ZNF331: variants seen among roughly 807,000 people sequenced by gnomAD.
The protein encoded by ZNF331 is C2H2-like zinc finger protein rearranged in thyroid adenomas.
Under a neutral mutation model 7.0 loss-of-function variants are expected in ZNF331, and 2 were observed. The observed-to-expected ratio is 0.29, with a 90% CI of 0.12 to 0.90. ZNF331 has a LOEUF of 0.90. Among genes scored for constraint, ZNF331 ranks in the 40% least tolerant of loss-of-function variants. ZNF331 has a pLI of 0.58. For synonymous variants in ZNF331, 196 were observed against 205.4 expected (o/e 0.95, Z 0.39); for missense variants, 432 against 587.7 (o/e 0.74, Z 2.74).
At chr19:53,513,950 T>C in the ZNF331 span, among the ~76,000 whole-genome samples, 2 of 152,256 alleles carry the variant, frequency 1.3e-5, no homozygotes, top group South Asian at 4.2e-4. Flanking sequence ...ATTATCATAT[T>C]TGCTTTTGAG....
upstream of ZNF331, among the ~76,000 whole-genome samples, chr19:53,536,690 G>A (rs900634292): frequency 6.6e-6 from 1 of 152,084 alleles, no homozygotes; most frequent in South Asian, 2.1e-4. Flanking sequence ...ACCTGAGGTC[G>A]GGAGTTCGAG....
the ZNF331 span, among the ~76,000 whole-genome samples, chr19:53,513,275 G>A: frequency 5.3e-5 from 8 of 152,008 alleles, no homozygotes; most frequent in African/African-American, 1.7e-4. Flanking sequence ...TGCAGCAAGC[G>A]TGGGAGTGCA....
At chr19:53,510,021 A>G in the ZNF331 span, among the ~76,000 whole-genome samples, 3 of 152,200 alleles carry the variant, frequency 2.0e-5, no homozygotes, top group Non-Finnish European at 2.9e-5. Flanking sequence ...ATCCGCCCCC[A>G]TGATACAATC....
intron 2 of ZNF331, among the ~76,000 whole-genome samples, chr19:53,542,817 T>C (rs897320601): frequency 6.6e-6 from 1 of 152,264 alleles, no homozygotes; most frequent in Non-Finnish European, 1.5e-5. Context: ...AAGGCACTTT[T>C]GTTTTTCTTG....
the ZNF331 span, chr19:53,503,503 C>T: frequency 9.8e-6 from 7 of 711,000 alleles, no homozygotes; most frequent in Admixed American, 2.0e-5. Flanking sequence ...TCACTGGGTG[C>T]AGGTTAAGGT....
intron 2 of ZNF331, among the ~76,000 whole-genome samples, chr19:53,523,094 T>A (rs1022581239): frequency 6.6e-6 from 1 of 151,854 alleles, no homozygotes; most frequent in African/African-American, 2.4e-5. Flanking sequence ...GTATATGTTT[T>A]TATATATATG....
At chr19:53,547,308 A>G (rs983547425) in intron 2 of ZNF331, among the ~76,000 whole-genome samples, 2 of 152,084 alleles carry the variant, frequency 1.3e-5, no homozygotes, top group Non-Finnish European at 2.9e-5. Context: ...TGTCTAGCTT[A>G]TTTCACTTAG....
intron 5 of ZNF331, among the ~76,000 whole-genome samples, chr19:53,576,180 C>T (rs1459600834): frequency 6.6e-6 from 1 of 151,958 alleles, no homozygotes; most frequent in South Asian, 2.1e-4. Flanking sequence ...GACAAGGTTT[C>T]TCCATGTTGG....
intron 2 of ZNF331, among the ~76,000 whole-genome samples, chr19:53,552,617 C>T (rs945597441): frequency 9.2e-5 from 14 of 152,040 alleles, no homozygotes; most frequent in African/African-American, 3.4e-4. Context: ...CCTGTAGTCC[C>T]AGCTCTTGGG....
At chr19:53,527,579 G>A (rs1315404828) in intron 2 of ZNF331, among the ~76,000 whole-genome samples, 3 of 152,158 alleles carry the variant, frequency 2.0e-5, no homozygotes, top group Non-Finnish European at 4.4e-5. Context: ...TTTGTTAACA[G>A]GTATGTGTCC....
In ZNF331 at chr19:53,550,529, CTTTTTTTTTTTTT is replaced by C. The variant is rs60619357; in HGVS notation, c.-137-5303_-137-5291del. On this transcript the variant is annotated intron_variant, in intron 2 of 5. Transcript: ENST00000449416. ...GTTTTTGATTTAAAGTCTATTTTGT[CTTTTTTTTTTTTT>C]TTTTTTTTTTTTGAGTTAGAGTCTC... Among the ~76,000 whole-genome samples the C allele has an allele frequency of 1.1e-4, 7 of 64,540 alleles. 1 individual carries two copies. The South Asian group carries it at 5.2e-3, about 48-fold the overall frequency. 42.3% of individuals were successfully genotyped at this position (64,540 alleles called of 152,430 possible). A position where few individuals can be genotyped will look rare whatever the true frequency, so the allele number is the denominator to read the frequency against.
intron 2 of ZNF331, among the ~76,000 whole-genome samples, chr19:53,528,987 A>G (rs187168172): frequency 6.6e-6 from 1 of 151,984 alleles, no homozygotes; most frequent in Non-Finnish European, 1.5e-5. Flanking sequence ...AGGTTTCACA[A>G]TGTTGGCCAG....
intron 2 of ZNF331, among the ~76,000 whole-genome samples, chr19:53,550,580 A>G (rs1235463241): frequency 9.2e-6 from 1 of 109,180 alleles, no homozygotes; most frequent in East Asian, 3.1e-4. Context: ...TGTATCACCC[A>G]TGCTGGAATG....
At chr19:53,574,969 A>ACT (rs1005030328) in intron 5 of ZNF331, among the ~76,000 whole-genome samples, 31 of 107,958 alleles carry the variant, frequency 2.9e-4, no homozygotes, top group African/African-American at 1.1e-3. Flanking sequence ...GCAGGGTCTT[A>ACT]CTCTGATTCC....
At position 53,571,061 on chromosome 19, in the gene ZNF331, A is replaced by G. The variant is rs1737045091; in HGVS notation, c.10-543A>G. On this transcript the variant is annotated intron_variant, in intron 4 of 5. Transcript: ENST00000449416. The surrounding 1 kb of genome is among the most constrained non-coding windows in gnomAD (Gnocchi z 4.7). ...TTTTTAGTAGAGATGGGGTTTCACC[A>G]TGTTTGCCAGGATGGTCTCGATCTC... is the stretch of plus-strand genomic sequence containing the variant. Among the ~76,000 whole-genome samples, 1 of 150,876 alleles carries G rather than the reference A, an allele frequency of 6.6e-6. No individual in the cohort carries two copies. The highest frequency in any genetic ancestry group is 2.4e-5 in the African/African-American group (1 of 40,968).
intron 3 of ZNF331, among the ~76,000 whole-genome samples, chr19:53,561,663 A>C (rs1415634746): frequency 6.6e-6 from 1 of 152,096 alleles, no homozygotes; most frequent in Non-Finnish European, 1.5e-5. Flanking sequence ...GACCAACCTG[A>C]GCAACATAGT....
In ZNF331 at chr19:53,524,643, C is replaced by A. The variant is rs138279021; in HGVS notation, c.-205+1959C>A. 6.6e-4 allele frequency among the ~76,000 whole-genome samples: 101 copies of A among 152,060 alleles called. 1 individual carries two copies. The highest frequency in any genetic ancestry group is 2.4e-3 in the African/African-American group (101 of 41,476). ...TTTTTCTTGTAAATTTGTTTGAGTT[C>A]TTTGTAGATTCTGGATATTAGCCCT... On this transcript the variant is annotated intron_variant, in intron 2 of 6. Coordinates refer to the ZNF331 transcript ENST00000253144.
Position 53,558,919 on chromosome 19 carries a change from TAC to T in ZNF331, c.-74+3019_-74+3020del, listed in dbSNP as rs1056256844. 2.1e-4 allele frequency among the ~76,000 whole-genome samples: 27 copies of T among 130,272 alleles called. 1 individual carries two copies. The highest frequency in any genetic ancestry group is 5.9e-4 in the African/African-American group (16 of 27,100). 85.5% of individuals were successfully genotyped at this position (130,272 alleles called of 152,430 possible). On this transcript the variant is annotated intron_variant, in intron 3 of 5. Transcript: ENST00000449416. This position sits in a 1 kb window ranked among gnomAD's most constrained non-coding sequence, Gnocchi z 4.5. ...ACACACCTATACACACCTACATATA[TAC>T]ACACACATACACACCATACACACAT...
intron 2 of ZNF331, among the ~76,000 whole-genome samples, chr19:53,532,576 CT>C (rs145247190): frequency 1.3e-5 from 2 of 152,090 alleles, no homozygotes; most frequent in Non-Finnish European, 2.9e-5. Flanking sequence ...TCCTCTACAA[CT>C]TTTTGGAAGA....
Sources: gnomAD v4.1 joint callset for allele counts (sites outside exome capture counted in the v4.1 genomes callset) on GRCh38, gnomAD v4.1.1 for gene constraint, Gnocchi (gnomAD v3.1) non-coding constraint, MANE v1.5 for transcripts, NCBI Gene and HGNC (gene_info 2026-07-23, HGNC 2026-07-21) for gene names.